Variants in MROH6 observed in about 807,000 individuals in gnomAD.
The protein encoded by MROH6 is maestro heat-like repeat-containing protein family member 6.
A neutral mutation model predicts 67.7 loss-of-function variants in MROH6; 62 were observed. The ratio of observed to expected loss-of-function variants is 0.92; its 90% confidence interval spans 0.75 to 1.13. The LOEUF (loss-of-function observed/expected upper bound fraction) is 1.13. Among genes scored for constraint, MROH6 ranks in the 50% most tolerant of loss-of-function variants. The probability of loss-of-function intolerance (pLI) is 0.00; values close to 1 mark genes in which losing one functional copy is unlikely to be tolerated. For synonymous variants in MROH6, 566 were observed against 470.8 expected, an observed-to-expected ratio of 1.20 and a Z score of -2.62; for missense variants, 1,175 against 1,029.1, an observed-to-expected ratio of 1.14 and a Z score of -1.94.
chr8:143,570,477 C>A lies in MROH6; in HGVS notation c.901G>T (p.Ala301Ser). ...TAACCTGGTGTTGCCTCTCACCTGG[C>A]ATGGCTATGTGGTGGCCCTCGGTGG... ...LSHRGPPHSH[A>S]SCAVEALKAL... is the part of the protein sequence containing the mutation. The change falls in exon 5 of 14, where the codon GCC becomes TCC. Residue 301 changes from alanine to serine, a missense_variant. By Grantham distance (99) the Ala-to-Ser change is moderately conservative. Transcript: ENST00000398882. The A allele has an allele frequency of 6.2e-7, 1 of 1,611,696 alleles. No individual in the cohort carries two copies. The highest frequency in any genetic ancestry group is 8.5e-7 in the Non-Finnish European group (1 of 1,178,820).
chr8:143,567,442 G>A lies in MROH6; in HGVS notation c.1957C>T (p.Pro653Ser). ...GCTGCCGCGGCCACAGCCGGCTTGG[G>A]GTCGCTCTGCAGTCGCCCTAGGTCT... The part of the protein sequence containing the change: ...FQDLGRLQSD[P>S]KPAVAAAAHV... The change falls in exon 14 of 14, where the codon CCC becomes TCC. Residue 653 changes from proline (P) to serine (S), a missense_variant. Physicochemically the swap from Pro to Ser is moderately conservative, Grantham distance 74. Coordinates refer to ENST00000398882, the MANE Select transcript of MROH6 (RefSeq NM_001100878.2). The A allele has an allele frequency of 7.3e-7, 1 of 1,361,598 alleles. No homozygotes were observed. Among genetic ancestry groups the A allele is most frequent in the Admixed American group, 3.5e-5 (1 of 28,204 alleles). The allele number at this position is 1,361,598 out of a possible 1,614,324, so 84.3% of individuals were successfully genotyped here.
At position 143,567,839 on chromosome 8, in the gene MROH6, C is replaced by A. The variant is rs753706095; in HGVS notation, c.1814G>T (p.Gly605Val). 3.3e-6 allele frequency: 5 copies of A among 1,531,138 alleles called. No individual in the cohort carries two copies. In the African/African-American group the frequency reaches 5.5e-5, roughly 17 times the overall value. 94.8% of individuals were successfully genotyped at this position (1,531,138 alleles called of 1,614,324 possible). The change falls in exon 12 of 14, where the codon GGC becomes GTC. Residue 605 changes from glycine to valine, a missense_variant. By Grantham distance (109) the Gly-to-Val change is moderately radical. Coordinates refer to ENST00000398882, the MANE Select transcript of MROH6 (RefSeq NM_001100878.2). ...HVPNFLSQTQ[G>V]YLRSPQDPLR... Reference sequence around the variant, plus strand: ...GGGGTCCTGTGGACTCCGCAGGTAGCCCTGGGTCTGGCTCAGGAAGTTGGG... The same window carrying A: ...GGGGTCCTGTGGACTCCGCAGGTAGACCTGGGTCTGGCTCAGGAAGTTGGG...
chr8:143,568,546 G>A lies in MROH6; in HGVS notation c.1644+6C>T. The A allele has an allele frequency of 6.6e-7, 1 of 1,524,670 alleles. No individual in the cohort carries two copies. The highest frequency in any genetic ancestry group is 8.8e-7 in the Non-Finnish European group (1 of 1,141,260). 94.4% of individuals were successfully genotyped at this position (1,524,670 alleles called of 1,614,324 possible). A position where few individuals can be genotyped will look rare whatever the true frequency, so the allele number is the denominator to read the frequency against. On this transcript the variant is annotated splice_donor_region_variant and intron_variant, in intron 10 of 13. Transcript: ENST00000398882. The stretch of plus-strand genomic sequence containing the variant: ...TAGGGGTGGGATGGTGTCGGGGGCT[G>A]CTGACCTCAGCAGCGTCCCTGCTGG...
chr8:143,571,784 G>A lies in MROH6; in HGVS notation c.485C>T (p.Pro162Leu). The A allele has an allele frequency of 6.5e-7, 1 of 1,547,834 alleles. No individual in the cohort carries two copies. Among genetic ancestry groups the A allele is most frequent in the Non-Finnish European group, 8.7e-7 (1 of 1,147,962 alleles). Reference protein sequence around the residue: ...ALVRGLLAQVPSLAEGRPWRA... With the variant: ...ALVRGLLAQVLSLAEGRPWRA... ...CCAGGGCCTCCCCTCCGCTAGGCTG[G>A]GCACCTGCGCCAGCAGCCCACGCAC... The change falls in exon 3 of 14, where the codon CCC (proline) becomes CTC (leucine). Residue 162 changes from proline to leucine, a missense_variant. Pro to Leu is a moderately conservative substitution (Grantham distance 98). Coordinates refer to ENST00000398882, the MANE Select transcript of MROH6 (RefSeq NM_001100878.2).
chr8:143,572,228 C>T (rs749412524), intron 1 of MROH6, 43 bp from the exon 2 acceptor site: 2 of 1,601,498 alleles, frequency 1.2e-6, no homozygotes. Context: ...CCAAACCTCT[C>T]CTAGCTCTCC....
chr8:143,567,517 G>T (rs527267049), intron 13 of MROH6, 52 bp from the exon 14 acceptor site: 20 of 1,448,812 alleles, frequency 1.4e-5, no homozygotes, highest in Non-Finnish European at 1.7e-5. Flanking sequence ...CCGAGTGCCC[G>T]GGCCCCTGGC....
rs1563920741 is a variant in MROH6 at position 143,571,006 on chromosome 8, G to A, written c.603-12C>T. 6.5e-7 allele frequency: 1 copy of A among 1,548,084 alleles called. No homozygotes were observed. The highest frequency in any genetic ancestry group is 1.4e-5 in the African/African-American group (1 of 73,084). On this transcript the variant is annotated splice_polypyrimidine_tract_variant and intron_variant, in intron 3 of 13. Coordinates refer to ENST00000398882, the MANE Select transcript of MROH6 (RefSeq NM_001100878.2). Reference sequence around the variant, plus strand: ...GCTCGGCTGCTACCCTGAGGGTTTGGAGGGGGCTGGTGTGAGACAAGAGAT... The same window carrying A: ...GCTCGGCTGCTACCCTGAGGGTTTGAAGGGGGCTGGTGTGAGACAAGAGAT...
chr8:143,570,853 C>T (rs1823987558), intron 4 of MROH6, 24 bp downstream of exon 4: 1 of 1,478,884 alleles, frequency 6.8e-7, no homozygotes. Flanking sequence ...CCCCCACCCC[C>T]TGGTAATGGC....
At chr8:143,572,268 C>G in intron 1 of MROH6, 83 bp from the exon 2 acceptor site, 1 of 1,562,308 alleles carries the variant, frequency 6.4e-7, no homozygotes, top group South Asian at 1.2e-5. Context: ...CACCTGGCTT[C>G]CTACAAAATC....
Position 143,572,024 on chromosome 8 carries a change from A to T in MROH6, c.447+9T>A. On this transcript the variant is annotated intron_variant, in intron 2 of 13. Transcript: ENST00000398882. ...GATTCTGTAGGGCATGAAGTGGGTG[A>T]AGGCTGACCTGGTCCTCCAACCGCT... 6.2e-7 allele frequency: 1 copy of T among 1,608,902 alleles called. No individual in the cohort carries two copies.
chr8:143,572,687 G>C lies in MROH6; in HGVS notation c.28C>G (p.Arg10Gly), dbSNP rs1172095787. The part of the protein sequence containing the change: MAGGVWGRS[R>G]AREAPVGALT... ...GCCCCCACGGGAGCCTCCCGGGCCC[G>C]GCTCCGGCCCCACACACCCCCAGCC... The change falls in exon 1 of 14, where the codon CGG becomes GGG. Residue 10 changes from arginine (R) to glycine (G), a missense_variant. By Grantham distance (125) the Arg-to-Gly change is moderately radical. Coordinates refer to ENST00000398882, the MANE Select transcript of MROH6 (RefSeq NM_001100878.2). The C allele has an allele frequency of 6.6e-7, 1 of 1,517,302 alleles. No homozygotes were observed. Among genetic ancestry groups the C allele is most frequent in the Non-Finnish European group, 8.8e-7 (1 of 1,136,050 alleles). 94.0% of individuals were successfully genotyped at this position (1,517,302 alleles called of 1,614,324 possible).
In MROH6 at chr8:143,571,611, G is replaced by GCGGGAAGAGGGAAGGAAGC; in HGVS notation, c.602+37_602+55dup. ...TTCTGGGGCCAGACTCCACCGCCAAGCGGGAAGAGGGAAGGAAGCCGCGTG... is the reference window on the plus strand; with the variant it reads ...TTCTGGGGCCAGACTCCACCGCCAAGCGGGAAGAGGGAAGGAAGCCGGGAAGAGGGAAGGAAGCCGCGTG... On this transcript the variant is annotated intron_variant, in intron 3 of 13. Transcript: ENST00000398882. 3 of 1,544,540 alleles carry GCGGGAAGAGGGAAGGAAGC rather than the reference G, an allele frequency of 1.9e-6. No homozygotes were observed. In the South Asian group the frequency reaches 3.6e-5, roughly 18 times the overall value.
chr8:143,569,453 C>A lies in MROH6; in HGVS notation c.1464G>T (p.Pro488=). The A allele has an allele frequency of 6.9e-7, 1 of 1,456,214 alleles. No individual in the cohort carries two copies. The highest frequency in any genetic ancestry group is 1.4e-5 in the South Asian group (1 of 73,296). 90.2% of individuals were successfully genotyped at this position (1,456,214 alleles called of 1,614,324 possible). A position where few individuals can be genotyped will look rare whatever the true frequency, so the allele number is the denominator to read the frequency against. ...LSAELGPRLP[P]LLDDTRDSIR... ...GGCGTTTGCTCACGTCGTCCAGTAG[C>A]GGAGGGAGGCGCGGTCCCAGCTCCG... is the stretch of plus-strand genomic sequence containing the variant. The change falls in exon 9 of 14, where the codon CCG becomes CCT. Residue 488 remains proline (P), a synonymous_variant. Transcript: ENST00000398882.
At chr8:143,567,944 G>T (rs766090340) in intron 11 of MROH6, 56 bp from the exon 12 acceptor site, 148 of 1,484,958 alleles carry the variant, frequency 1.0e-4, no homozygotes, top group Non-Finnish European at 1.3e-4. Context: ...GTGCGGAGGA[G>T]GCTGCAGAGC....
rs1823715639 is a variant in MROH6 at position 143,567,828 on chromosome 8, T to C, written c.1825A>G (p.Ser609Gly). The change falls in exon 12 of 14, where the codon AGT becomes GGT. Residue 609 changes from serine (S) to glycine (G), a missense_variant. Ser to Gly is a moderately conservative substitution (Grantham distance 56). Coordinates refer to ENST00000398882, the MANE Select transcript of MROH6 (RefSeq NM_001100878.2). ...GCCCGGCGCAGGGGGTCCTGTGGAC[T>C]CCGCAGGTAGCCCTGGGTCTGGCTC... ...FLSQTQGYLR[S>G]PQDPLRRAAA... The C allele has an allele frequency of 6.5e-7, 1 of 1,533,024 alleles. No individual in the cohort carries two copies. Among genetic ancestry groups the C allele is most frequent in the Non-Finnish European group, 8.8e-7 (1 of 1,140,652 alleles). The allele number at this position is 1,533,024 out of a possible 1,614,324, so 95.0% of individuals were successfully genotyped here.
rs189847213 is a variant in MROH6 at position 143,567,308 on chromosome 8, G to A, written c.2091C>T (p.Phe697=). 4.1e-3 allele frequency: 5,017 copies of A among 1,220,978 alleles called. 137 individuals are homozygous for A. In the African/African-American group the frequency reaches 0.061, roughly 15 times the overall value. The allele number at this position is 1,220,978 out of a possible 1,614,324, so 75.6% of individuals were successfully genotyped here. A position where few individuals can be genotyped will look rare whatever the true frequency, so the allele number is the denominator to read the frequency against. The change falls in exon 14 of 14, where the codon TTC becomes TTT. Residue 697 remains phenylalanine (F), a synonymous_variant. Transcript: ENST00000398882. The part of the protein sequence containing the change: ...APRPARPPPV[F]ADSPFQRRSV... ...TCCGGCGCTGGAAGGGGCTGTCGGC[G>A]AAGACTGGTGGGGGCCGGGCGGGGC...
Position 143,570,865 on chromosome 8 carries a change from G to T in MROH6, c.720+12C>A. The T allele has an allele frequency of 6.9e-7, 1 of 1,443,288 alleles. No homozygotes were observed. The allele number at this position is 1,443,288 out of a possible 1,614,324, so 89.4% of individuals were successfully genotyped here. On this transcript the variant is annotated intron_variant, in intron 4 of 13. Transcript: ENST00000398882. ...CCGCCCCCACCCCCTGGTAATGGCT[G>T]GAGCCACCTACCGCCAGTGCCTGGG...
Position 143,570,265 on chromosome 8 carries a change from C to T in MROH6, c.1021G>A (p.Glu341Lys). The change falls in exon 6 of 14, where the codon GAG becomes AAG. Residue 341 changes from glutamate (E) to lysine (K), a missense_variant. Glu to Lys is a moderately conservative substitution (Grantham distance 56). Coordinates refer to ENST00000398882, the MANE Select transcript of MROH6 (RefSeq NM_001100878.2). ...RRLVGAHTHL[E>K]GVLLLASAMV... ...CACCTGGCCAGCAGCAGGACGCCCTCCAGGTGGGTGTGGGCTCCCACCAGC... is the reference window on the plus strand; with the variant it reads ...CACCTGGCCAGCAGCAGGACGCCCTTCAGGTGGGTGTGGGCTCCCACCAGC... 1 of 1,597,446 alleles carries T rather than the reference C, an allele frequency of 6.3e-7. No individual in the cohort carries two copies. The highest frequency in any genetic ancestry group is 8.5e-7 in the Non-Finnish European group (1 of 1,174,220).
intron 7 of MROH6, 30 bp downstream of exon 7, chr8:143,569,921 C>T (rs763007358): frequency 6.2e-7 from 1 of 1,612,162 alleles, no homozygotes; most frequent in East Asian, 2.2e-5. Flanking sequence ...CAGGGTCACC[C>T]TTCACCACCC....
Sources: gnomAD v4.1 joint callset for allele counts on GRCh38, gnomAD v4.1.1 for gene constraint, MANE v1.5 for transcripts, NCBI Gene and HGNC (gene_info 2026-07-23, HGNC 2026-07-21) for gene names.